GALNT17: variants seen among roughly 807,000 people sequenced by gnomAD.
GALNT17 encodes the protein polypeptide N-acetylgalactosaminyltransferase 17.
In GALNT17, 29 loss-of-function variants were observed where a neutral mutation model predicts 63.7. The ratio of observed to expected loss-of-function variants is 0.46; its 90% CI spans 0.34 to 0.62. The LOEUF (loss-of-function observed/expected upper bound fraction) is 0.62. Among genes scored for constraint, GALNT17 ranks in the 20% least tolerant of loss-of-function variants. The pLI is 0.01. For synonymous variants in GALNT17, 305 were observed against 318.3 expected (o/e 0.96, Z 0.45); for missense variants, 603 against 799.6 (o/e 0.75, Z 2.97).
At chr7:71,428,373 T>G (rs1262022822) in intron 5 of GALNT17, among the ~76,000 whole-genome samples, 1 of 152,152 alleles carries the variant, frequency 6.6e-6, no homozygotes, top group Non-Finnish European at 1.5e-5. Flanking sequence ...CTGGCTTCTT[T>G]TATTAGCATA....
At chr7:71,702,120 G>A (rs1791660303) in intron 9 of GALNT17, among the ~76,000 whole-genome samples, 1 of 151,720 alleles carries the variant, frequency 6.6e-6, no homozygotes, top group Admixed American at 6.6e-5. Flanking sequence ...AGACACTGTG[G>A]ACTACCAGAG....
intron 6 of GALNT17, among the ~76,000 whole-genome samples, chr7:71,619,027 A>G (rs1790255773): frequency 6.6e-6 from 1 of 152,226 alleles, no homozygotes; most frequent in Non-Finnish European, 1.5e-5. Flanking sequence ...TCTTCTGCAT[A>G]TGGCTAGCCA....
At chr7:71,175,944 G>A (rs1264350874) in intron 1 of GALNT17, among the ~76,000 whole-genome samples, 1 of 152,046 alleles carries the variant, frequency 6.6e-6, no homozygotes, top group Non-Finnish European at 1.5e-5. Context: ...TCTTCAATTT[G>A]GACAGAGCTT....
At chr7:71,614,515 A>G (rs1170215357) in intron 6 of GALNT17, among the ~76,000 whole-genome samples, 1 of 151,884 alleles carries the variant, frequency 6.6e-6, no homozygotes, top group African/African-American at 2.4e-5. Context: ...CAGCCACTCA[A>G]GAGGCTGAGA....
At chr7:71,689,451 TAGA>T (rs1447183539) in intron 9 of GALNT17, among the ~76,000 whole-genome samples, 4 of 152,196 alleles carry the variant, frequency 2.6e-5, no homozygotes, top group Non-Finnish European at 5.9e-5. Flanking sequence ...GTGGTATGGT[TAGA>T]AGACCAGTCC....
At chr7:71,372,326 G>A (rs1046493987) in intron 2 of GALNT17, among the ~76,000 whole-genome samples, 2 of 152,000 alleles carry the variant, frequency 1.3e-5, no homozygotes, top group Non-Finnish European at 1.5e-5. Flanking sequence ...CACCAAGCCT[G>A]GCTAATTTTT....
intron 5 of GALNT17, among the ~76,000 whole-genome samples, chr7:71,485,024 G>A (rs895330428): frequency 7.3e-6 from 1 of 136,904 alleles, no homozygotes; most frequent in Non-Finnish European, 1.5e-5. Context: ...GGTCAAGCTG[G>A]TCTTGAACTC....
chr7:71,217,140 GTTTTGT>G (rs1274888561), intron 1 of GALNT17, among the ~76,000 whole-genome samples: 1 of 95,216 alleles, frequency 1.1e-5, no homozygotes, highest in Non-Finnish European at 2.1e-5. Context: ...ATTTTTTCGT[GTTTTGT>G]TTTTTTTTTT....
chr7:71,369,685 C>T (rs979737675), intron 2 of GALNT17, among the ~76,000 whole-genome samples: 13 of 151,806 alleles, frequency 8.6e-5, no homozygotes, highest in South Asian at 4.2e-4. Flanking sequence ...TCATGGCACG[C>T]GCCTGTAATC....
chr7:71,565,678 C>A (rs1335740991), intron 5 of GALNT17, among the ~76,000 whole-genome samples: 1 of 152,088 alleles, frequency 6.6e-6, no homozygotes, highest in African/African-American at 2.4e-5. Flanking sequence ...ACAGGCATAA[C>A]TTCTCTGCTC....
chr7:71,421,188 C>A, intron 5 of GALNT17, 83 bp downstream of exon 5: 1 of 1,469,732 alleles, frequency 6.8e-7, no homozygotes. Context: ...CCAGGAAAGC[C>A]TGCCTTGGGC....
intron 2 of GALNT17, among the ~76,000 whole-genome samples, chr7:71,340,545 C>A (rs1454828349): frequency 1.3e-5 from 2 of 152,158 alleles, no homozygotes; most frequent in Non-Finnish European, 2.9e-5. Context: ...TTGCATAAAG[C>A]AGTCCTGCTC....
At chr7:71,358,025 G>A (rs1266899092) in intron 2 of GALNT17, among the ~76,000 whole-genome samples, 4 of 152,180 alleles carry the variant, frequency 2.6e-5, no homozygotes, top group South Asian at 2.1e-4. Context: ...AGCCAGCAGC[G>A]GCAACCCGCT....
chr7:71,544,421 CG>C (rs1391392698), intron 5 of GALNT17, among the ~76,000 whole-genome samples: 1 of 151,616 alleles, frequency 6.6e-6, no homozygotes. Context: ...GGATTACAGG[CG>C]TGAGCCACCA....
At chr7:71,213,187 T>C (rs1394544018) in intron 1 of GALNT17, among the ~76,000 whole-genome samples, 2 of 152,202 alleles carry the variant, frequency 1.3e-5, no homozygotes, top group Non-Finnish European at 2.9e-5. Context: ...TGTGCTATTC[T>C]CATGATAGTG....
chr7:71,400,159 C>G (rs1012948304), intron 3 of GALNT17, among the ~76,000 whole-genome samples: 15 of 151,910 alleles, frequency 9.9e-5, no homozygotes, highest in Non-Finnish European at 1.8e-4. Flanking sequence ...TTGTCCCCCA[C>G]CCCCTGACAG....
At chr7:71,199,440 T>A (rs1334466008) in intron 1 of GALNT17, among the ~76,000 whole-genome samples, 1 of 152,056 alleles carries the variant, frequency 6.6e-6, no homozygotes, top group Non-Finnish European at 1.5e-5. Flanking sequence ...CACCTACTCA[T>A]CCATTCATCC....
At chr7:71,422,886 A>AGATGGATGGGGATCTCAATGAGATG (rs1786691922) in intron 5 of GALNT17, among the ~76,000 whole-genome samples, 1 of 152,104 alleles carries the variant, frequency 6.6e-6, no homozygotes, top group African/African-American at 2.4e-5. Context: ...GCTCTCAATG[A>AGATGGATGGGGATCTCAATGAGATG]GATGGATGGG....
chr7:71,689,230 T>C (rs1268929634), intron 9 of GALNT17, among the ~76,000 whole-genome samples: 1 of 152,066 alleles, frequency 6.6e-6, no homozygotes, highest in African/African-American at 2.4e-5. Flanking sequence ...TTCAGCCAAT[T>C]AACAGCCCTA....
Sources: gnomAD v4.1 joint callset for allele counts (sites outside exome capture counted in the v4.1 genomes callset) on GRCh38, gnomAD v4.1.1 for gene constraint, MANE v1.5 for transcripts, NCBI Gene and HGNC (gene_info 2026-07-23, HGNC 2026-07-21) for gene names.